PCSK6: variants seen among roughly 807,000 people sequenced by gnomAD.
PCSK6 encodes proprotein convertase subtilisin/kexin type 6, also known as paired basic amino acid cleaving enzyme 4.
PCSK6 carries 85 observed loss-of-function variants against 123.3 expected under a neutral mutation model. The observed-to-expected ratio is 0.69, with a 90% CI of 0.58 to 0.83. PCSK6 has a LOEUF of 0.83. Among genes scored for constraint, PCSK6 ranks in the 40% least tolerant of loss-of-function variants. The pLI is 0.00. For missense variants in PCSK6, 1,191 were observed against 1,282.3 expected, an observed-to-expected ratio of 0.93 and a Z score of 1.09; for synonymous variants, 508 against 516.0, an observed-to-expected ratio of 0.98 and a Z score of 0.21.
At chr15:101,356,505 C>CAAAA (rs34350017) in intron 13 of PCSK6, among the ~76,000 whole-genome samples, 74 of 86,162 alleles carry the variant, frequency 8.6e-4, no homozygotes, top group East Asian at 2.5e-3. Flanking sequence ...ACTAAAACTA[C>CAAAA]AAAAAAAAAA....
intron 2 of PCSK6, among the ~76,000 whole-genome samples, chr15:101,436,684 T>C (rs1193993865): frequency 2.6e-5 from 4 of 152,104 alleles, no homozygotes; most frequent in Non-Finnish European, 4.4e-5. Flanking sequence ...TGCCTGGGCC[T>C]CTCCCTCCAC....
intron 1 of PCSK6, among the ~76,000 whole-genome samples, chr15:101,443,870 C>T (rs1442259723): frequency 6.6e-6 from 1 of 152,182 alleles, no homozygotes; most frequent in Non-Finnish European, 1.5e-5. Flanking sequence ...AGATAAATAA[C>T]ACTAAGTCAT....
chr15:101,356,468 C>T (rs994454486), intron 13 of PCSK6, among the ~76,000 whole-genome samples: 12 of 144,310 alleles, frequency 8.3e-5, no homozygotes, highest in African/African-American at 3.1e-4. Context: ...AAGACCAGCC[C>T]GGCCAACATG....
At chr15:101,406,870 C>G (rs1220163237) in intron 6 of PCSK6, among the ~76,000 whole-genome samples, 1 of 152,230 alleles carries the variant, frequency 6.6e-6, no homozygotes, top group Non-Finnish European at 1.5e-5. Flanking sequence ...AGTGGAAACA[C>G]AGCTGTAGCC....
At chr15:101,477,173 G>T (rs1290649321) in intron 1 of PCSK6, among the ~76,000 whole-genome samples, 1 of 152,216 alleles carries the variant, frequency 6.6e-6, no homozygotes, top group Non-Finnish European at 1.5e-5. Flanking sequence ...AAGACTTATT[G>T]ACGTGGGAGG....
At chr15:101,476,604 G>A (rs1347847703) in intron 1 of PCSK6, among the ~76,000 whole-genome samples, 1 of 151,142 alleles carries the variant, frequency 6.6e-6, no homozygotes, top group Admixed American at 6.6e-5. Flanking sequence ...GTGTGTATAT[G>A]CGCACGTATC....
At chr15:101,310,752 T>C (rs1367254841) in intron 20 of PCSK6, among the ~76,000 whole-genome samples, 1 of 152,138 alleles carries the variant, frequency 6.6e-6, no homozygotes, top group Non-Finnish European at 1.5e-5. Flanking sequence ...GCTTTGTTTC[T>C]AGGGGAATAG....
intron 13 of PCSK6, among the ~76,000 whole-genome samples, chr15:101,333,981 T>C (rs2040422377): frequency 6.6e-6 from 1 of 152,228 alleles, no homozygotes; most frequent in Non-Finnish European, 1.5e-5. Context: ...AGTCAGATTC[T>C]GTACTGCCCA....
At position 101,455,954 on chromosome 15, in the gene PCSK6, G is replaced by C. The variant is rs534344045; in HGVS notation, c.298-12294C>G. On this transcript the variant is annotated intron_variant, in intron 1 of 21. Coordinates refer to ENST00000611716, the MANE Select transcript of PCSK6 (RefSeq NM_002570.5). ...TTGGGATTTCTCCGGCAAGCTGTATGCTAAGAAGTCAGGGGACCAGGTCCC... is the reference window on the plus strand; with the variant it reads ...TTGGGATTTCTCCGGCAAGCTGTATCCTAAGAAGTCAGGGGACCAGGTCCC... Among the ~76,000 whole-genome samples the C allele has an allele frequency of 2.2e-3, 334 of 149,386 alleles. 1 individual carries two copies. The highest frequency in any genetic ancestry group is 7.4e-3 in the African/African-American group (307 of 41,264).
intron 11 of PCSK6, among the ~76,000 whole-genome samples, chr15:101,378,625 A>G (rs903554): frequency 0.95 from 144,548 of 152,308 alleles, 68,636 homozygotes; most frequent in South Asian, 0.96. Context: ...ATCCCGTGGT[A>G]CCTTGGAGCA....
At chr15:101,430,238 G>T (rs540293157) in intron 4 of PCSK6, among the ~76,000 whole-genome samples, 175 bp from the exon 5 acceptor site, 1 of 152,022 alleles carries the variant, frequency 6.6e-6, no homozygotes, top group Admixed American at 6.6e-5. Flanking sequence ...GGAAATACAC[G>T]ACCTTAACCA....
At chr15:101,372,581 G>A (rs1054742923) in intron 11 of PCSK6, among the ~76,000 whole-genome samples, 2 of 152,108 alleles carry the variant, frequency 1.3e-5, no homozygotes, top group African/African-American at 4.8e-5. Context: ...GGAGTTCCAG[G>A]ACCTGCAGGG....
At chr15:101,420,641 G>C (rs1319899642) in intron 6 of PCSK6, among the ~76,000 whole-genome samples, 1 of 152,206 alleles carries the variant, frequency 6.6e-6, no homozygotes, top group Non-Finnish European at 1.5e-5. Context: ...GGGATTACAA[G>C]TGTGAACCAC....
chr15:101,354,891 C>T (rs114711691), intron 13 of PCSK6, among the ~76,000 whole-genome samples: 161 of 152,322 alleles, frequency 1.1e-3, no homozygotes, highest in African/African-American at 3.6e-3. Flanking sequence ...GCATCACTAG[C>T]AAGAATAACT....
chr15:101,326,844 G>A (rs2040266801), intron 15 of PCSK6, among the ~76,000 whole-genome samples: 1 of 152,224 alleles, frequency 6.6e-6, no homozygotes, highest in South Asian at 2.1e-4. Context: ...ACTTGCACCA[G>A]TCATCATGCT....
chr15:101,481,162 C>G (rs1362209813), intron 1 of PCSK6, among the ~76,000 whole-genome samples: 1 of 152,324 alleles, frequency 6.6e-6, no homozygotes, highest in South Asian at 2.1e-4. Context: ...AAGCCCAGAG[C>G]CCAGTGTCAG....
intron 13 of PCSK6, among the ~76,000 whole-genome samples, chr15:101,343,789 G>A (rs1054608955): frequency 6.6e-6 from 1 of 152,136 alleles, no homozygotes; most frequent in Non-Finnish European, 1.5e-5. Context: ...TTCCATTCGT[G>A]TTTGAAAAGT....
At chr15:101,379,812 C>T (rs111898440) in intron 11 of PCSK6, among the ~76,000 whole-genome samples, 22 of 152,330 alleles carry the variant, frequency 1.4e-4, no homozygotes, top group South Asian at 2.1e-4. Context: ...GGGATACTCG[C>T]GGCTCAGGTG....
intron 13 of PCSK6, chr15:101,364,733 C>T: frequency 4.7e-6 from 2 of 427,256 alleles, no homozygotes; most frequent in Non-Finnish European, 8.3e-6. Flanking sequence ...GGAAATATTC[C>T]CCAAAATGAT....
Sources: gnomAD v4.1 joint callset for allele counts (sites outside exome capture counted in the v4.1 genomes callset) on GRCh38, gnomAD v4.1.1 for gene constraint, MANE v1.5 for transcripts, NCBI Gene and HGNC (gene_info 2026-07-23, HGNC 2026-07-21) for gene names.